Variants in EGLN1 observed in about 807,000 individuals in gnomAD.
The protein encoded by EGLN1 is egl nine homolog 1.
EGLN1 carries 17 observed loss-of-function variants against 38.3 expected under a neutral mutation model. The ratio of observed to expected loss-of-function variants is 0.44; its 90% CI spans 0.30 to 0.67. EGLN1 has a LOEUF of 0.67. EGLN1 is among the 30% of genes least tolerant of loss of function. The pLI is 0.08. For synonymous variants in EGLN1, 283 were observed against 257.5 expected (o/e 1.10, Z -0.95); for missense variants, 477 against 603.3 (o/e 0.79, Z 2.19).
At chr1:231,419,420 A>T (rs1230421469) in intron 1 of EGLN1, among the ~76,000 whole-genome samples, 1 of 152,230 alleles carries the variant, frequency 6.6e-6, no homozygotes, top group Non-Finnish European at 1.5e-5. Context: ...TTGGGACATC[A>T]TCTTCTTCAA....
intron 1 of EGLN1, among the ~76,000 whole-genome samples, chr1:231,376,415 T>G (rs1396067662): frequency 6.6e-6 from 1 of 152,224 alleles, no homozygotes; most frequent in Non-Finnish European, 1.5e-5. Flanking sequence ...AACCTTATTT[T>G]ATTTAATAAC....
intron 1 of EGLN1, among the ~76,000 whole-genome samples, chr1:231,390,211 A>G (rs1369101885): frequency 6.6e-6 from 1 of 152,238 alleles, no homozygotes; most frequent in Non-Finnish European, 1.5e-5. Flanking sequence ...TATGGTAGGT[A>G]TGACTAATGG....
In EGLN1 at chr1:231,421,609, T is replaced by G. The variant is rs539743848; in HGVS notation, c.280A>C (p.Arg94=). The G allele has an allele frequency of 1.5e-6, 2 of 1,345,416 alleles. No homozygotes were observed. Among genetic ancestry groups the G allele is most frequent in the Admixed American group, 8.0e-5 (2 of 24,868 alleles). The allele number at this position is 1,345,416 out of a possible 1,614,324, so 83.3% of individuals were successfully genotyped here. A position where few individuals can be genotyped will look rare whatever the true frequency, so the allele number is the denominator to read the frequency against. The change falls in exon 1 of 5, where the codon AGG becomes CGG. Residue 94 remains arginine (R), a synonymous_variant. Coordinates refer to ENST00000366641, the MANE Select transcript of EGLN1 (RefSeq NM_022051.3). This position sits in a 1 kb window ranked among gnomAD's most constrained non-coding sequence, Gnocchi z 5.5. ...PPPRAGAREP[R]KAAARRDNAS... ...TTGTCCCGGCGCGCCGCTGCCTTCC[T>G]GGGCTCCCGGGCCCCGGCCCTGGGC...
intron 1 of EGLN1, among the ~76,000 whole-genome samples, chr1:231,399,074 C>T (rs1055108575): frequency 6.6e-6 from 1 of 152,134 alleles, no homozygotes; most frequent in Non-Finnish European, 1.5e-5. Context: ...TACACCTTAA[C>T]AGTGCAAGAA....
intron 1 of EGLN1, among the ~76,000 whole-genome samples, chr1:231,403,041 T>C (rs970277469): frequency 2.0e-5 from 3 of 152,114 alleles, no homozygotes; most frequent in Admixed American, 1.3e-4. Flanking sequence ...TTTCCACATA[T>C]GAGATTTTCA....
At position 231,421,852 on chromosome 1, in the gene EGLN1, G is replaced by A. The variant is rs1656636206; in HGVS notation, c.37C>T (p.Pro13Ser). The stretch of plus-strand genomic sequence containing the variant: ...CAGTACTGCCGGTCTCGCTCGCTCG[G>A]GCTCGGCCCGCCGGGCCCGCCGCTG... ...NDSGGPGGPSPSERDRQYCEL... is the reference protein window; with the variant it reads ...NDSGGPGGPSSSERDRQYCEL... The change falls in exon 1 of 5, where the codon CCG becomes TCG. Residue 13 changes from proline (P) to serine (S), a missense_variant. This residue lies in a region of EGLN1 where 298 missense variants were observed against 288.9 expected (regional missense o/e 1.03). Transcript: ENST00000366641. This position sits in a 1 kb window ranked among gnomAD's most constrained non-coding sequence, Gnocchi z 5.5. 1 of 1,492,826 alleles carries A rather than the reference G, an allele frequency of 6.7e-7. No individual in the cohort carries two copies. The highest frequency in any genetic ancestry group is 1.5e-5 in the African/African-American group (1 of 68,750). The allele number at this position is 1,492,826 out of a possible 1,614,324, so 92.5% of individuals were successfully genotyped here. A position where few individuals can be genotyped will look rare whatever the true frequency, so the allele number is the denominator to read the frequency against.
chr1:231,413,840 G>A (rs530701475), intron 1 of EGLN1, among the ~76,000 whole-genome samples: 1 of 152,016 alleles, frequency 6.6e-6, no homozygotes, highest in East Asian at 1.9e-4. Flanking sequence ...ATGGGACCTG[G>A]AACACTGAAT....
In EGLN1 at chr1:231,421,867, G is replaced by A. The variant is rs1249896229; in HGVS notation, c.22C>T (p.Pro8Ser). The change falls in exon 1 of 5, where the codon CCC (proline) becomes TCC (serine). Residue 8 changes from proline (P) to serine (S), a missense_variant. Pro to Ser is a moderately conservative substitution (Grantham distance 74). This residue lies in a region of EGLN1 where 298 missense variants were observed against 288.9 expected (regional missense o/e 1.03). Coordinates refer to ENST00000366641, the MANE Select transcript of EGLN1 (RefSeq NM_022051.3). This position sits in a 1 kb window ranked among gnomAD's most constrained non-coding sequence, Gnocchi z 5.5. MANDSGG[P>S]GGPSPSERDR... The stretch of plus-strand genomic sequence containing the variant: ...CGCTCGCTCGGGCTCGGCCCGCCGG[G>A]CCCGCCGCTGTCATTGGCCATGGCG... The A allele has an allele frequency of 1.3e-6, 2 of 1,492,698 alleles. No individual in the cohort carries two copies. The highest frequency in any genetic ancestry group is 1.3e-5 in the South Asian group (1 of 79,634). 92.5% of individuals were successfully genotyped at this position (1,492,698 alleles called of 1,614,324 possible). A position where few individuals can be genotyped will look rare whatever the true frequency, so the allele number is the denominator to read the frequency against.
intron 1 of EGLN1, among the ~76,000 whole-genome samples, chr1:231,414,539 T>C (rs1053267879): frequency 5.3e-5 from 8 of 152,090 alleles, no homozygotes; most frequent in Non-Finnish European, 2.9e-5. Context: ...CGGCTTTAAA[T>C]AGTATCAGAG....
At position 231,374,101 on chromosome 1, in the gene EGLN1, T is replaced by C; in HGVS notation, c.892-2A>G. ...GCCCGGATAACAAGCAACCATGGCCTGTAATAATGATAATAATGATTATTA... is the reference window on the plus strand; with the variant it reads ...GCCCGGATAACAAGCAACCATGGCCCGTAATAATGATAATAATGATTATTA... On this transcript the variant is annotated splice_acceptor_variant, in intron 1 of 4. Coordinates refer to ENST00000366641, the MANE Select transcript of EGLN1 (RefSeq NM_022051.3). LOFTEE classifies it high-confidence loss of function. The C allele has an allele frequency of 6.2e-7, 1 of 1,612,816 alleles. No individual in the cohort carries two copies. Among genetic ancestry groups the C allele is most frequent in the Non-Finnish European group, 8.5e-7 (1 of 1,178,938 alleles).
In EGLN1 at chr1:231,364,608, T is replaced by TA. The variant is rs1300047028; in HGVS notation, c.*1802_*1803insT. 1 of 29,320 alleles carries TA rather than the reference T, an allele frequency of 3.4e-5. No homozygotes were observed. The highest frequency in any genetic ancestry group is 1.2e-4 in the Non-Finnish European group (1 of 8,042). 1.8% of individuals were successfully genotyped at this position (29,320 alleles called of 1,614,324 possible). A position where few individuals can be genotyped will look rare whatever the true frequency, so the allele number is the denominator to read the frequency against. ...GTCCACTGTTGGCTTCACTACACAATTTTTTTCCATGTTTTACATGAATAG... is the reference window on the plus strand; with the variant it reads ...GTCCACTGTTGGCTTCACTACACAATATTTTTTCCATGTTTTACATGAATAG... On this transcript the variant is annotated 3_prime_UTR_variant, in exon 5 of 5. Coordinates refer to ENST00000366641, the MANE Select transcript of EGLN1 (RefSeq NM_022051.3).
intron 1 of EGLN1, among the ~76,000 whole-genome samples, chr1:231,392,886 T>C (rs1688428963): frequency 6.6e-6 from 1 of 152,194 alleles, no homozygotes; most frequent in Admixed American, 6.5e-5. Flanking sequence ...CCTCATTTAC[T>C]TGGGAAAGCC....
chr1:231,395,754 G>T (rs2102920571), intron 1 of EGLN1, among the ~76,000 whole-genome samples: 1 of 152,326 alleles, frequency 6.6e-6, no homozygotes, highest in African/African-American at 2.4e-5. Context: ...TCAGGTGGCT[G>T]TCAGAACGGC....
Position 231,421,421 on chromosome 1 carries a change from G to C in EGLN1, c.468C>G (p.Phe156Leu), listed in dbSNP as rs1656593741. 2 of 1,578,162 alleles carry C rather than the reference G, an allele frequency of 1.3e-6. No homozygotes were observed. The highest frequency in any genetic ancestry group is 2.3e-5 in the East Asian group (1 of 43,574). Residue 156 changes from phenylalanine (F) to leucine (L), a missense_variant, in exon 1 of 5, where the codon TTC (phenylalanine) becomes TTG (leucine). Physicochemically the swap from Phe to Leu is conservative, Grantham distance 22. This residue lies in a region of EGLN1 where 298 missense variants were observed against 288.9 expected (regional missense o/e 1.03). Transcript: ENST00000366641. This position sits in a 1 kb window ranked among gnomAD's most constrained non-coding sequence, Gnocchi z 5.5. ...GGGGGTACAGGTTCGCCTTCTCCTG[G>C]AACAGCGATGAGCGGGCCGGCGGCT... Reference protein sequence around the residue: ...KEEPPARSSLFQEKANLYPPS... With the variant: ...KEEPPARSSLLQEKANLYPPS...
At chr1:231,409,973 G>A (rs1453514496) in intron 1 of EGLN1, among the ~76,000 whole-genome samples, 3 of 152,010 alleles carry the variant, frequency 2.0e-5, no homozygotes, top group African/African-American at 7.2e-5. Context: ...TTCCATGAGC[G>A]CATAAGATAA....
At chr1:231,388,062 A>G (rs2749702) in intron 1 of EGLN1, among the ~76,000 whole-genome samples, 82,953 of 152,068 alleles carry the variant, frequency 0.55, 24,252 homozygotes, top group Non-Finnish European at 0.65. Flanking sequence ...ACACTATTAC[A>G]TCTAAATGTC....
chr1:231,385,914 G>C (rs1048507739), intron 1 of EGLN1, among the ~76,000 whole-genome samples: 7 of 152,128 alleles, frequency 4.6e-5, no homozygotes, highest in African/African-American at 1.7e-4. Context: ...GCAGTGGCGT[G>C]ATCATGGCTC....
intron 1 of EGLN1, among the ~76,000 whole-genome samples, chr1:231,385,271 T>C (rs1406198122): frequency 1.3e-5 from 2 of 152,214 alleles, no homozygotes; most frequent in African/African-American, 4.8e-5. Flanking sequence ...GTTTTGAACA[T>C]GTTCAGTTAG....
At chr1:231,415,637 C>T (rs1053309208) in intron 1 of EGLN1, among the ~76,000 whole-genome samples, 1 of 152,136 alleles carries the variant, frequency 6.6e-6, no homozygotes, top group Non-Finnish European at 1.5e-5. Flanking sequence ...TTCTGCATAG[C>T]GCTTTACCAT....
Sources: allele counts gnomAD v4.1 joint callset (sites outside exome capture counted in the v4.1 genomes callset), GRCh38; gene constraint gnomAD v4.1.1; regional missense constraint gnomAD v4.1.1; non-coding constraint Gnocchi (gnomAD v3.1); transcripts MANE v1.5; gene names NCBI Gene and HGNC (gene_info 2026-07-23, HGNC 2026-07-21).